The following RAB15 variants were observed in gnomAD, a reference collection of about 807,000 sequenced individuals.
RAB15 encodes the protein ras-related protein Rab-15.
A neutral mutation model predicts 31.8 loss-of-function variants in RAB15; 13 were observed. That is an observed-to-expected ratio of 0.41 (90% CI 0.27 to 0.65). RAB15 has a LOEUF of 0.65. RAB15 is among the 30% of genes least tolerant of loss of function. The probability of loss-of-function intolerance (pLI) is 0.32; values close to 1 mark genes in which losing one functional copy is unlikely to be tolerated. For synonymous variants in RAB15, 100 were observed against 105.6 expected, an observed-to-expected ratio of 0.95 and a Z score of 0.33; for missense variants, 220 against 277.3, an observed-to-expected ratio of 0.79 and a Z score of 1.47.
At position 64,948,403 on chromosome 14, in the gene RAB15, T is replaced by C; in HGVS notation, c.590A>G (p.Glu197Gly). 2 of 1,602,908 alleles carry C rather than the reference T, an allele frequency of 1.2e-6. No homozygotes were observed. Among genetic ancestry groups the C allele is most frequent in the Non-Finnish European group, 1.7e-6 (2 of 1,174,940 alleles). Residue 197 changes from glutamate to glycine, a missense_variant, in exon 7 of 7, where the codon GAG (glutamate) becomes GGG (glycine). Transcript: ENST00000533601. This position sits in a 1 kb window ranked among gnomAD's most constrained non-coding sequence, Gnocchi z 7.0. Reference sequence around the variant, plus strand: ...GTTCGCTGGGCCCTCGGGTTTGCCCTCCTCCTCCTCCAGCTCTGCCAGTGC... The same window carrying C: ...GTTCGCTGGGCCCTCGGGTTTGCCCCCCTCCTCCTCCAGCTCTGCCAGTGC... ...ELALAELEEE[E>G]GKPEGPANSS...
Position 64,971,113 on chromosome 14 carries a change from C to G in RAB15, c.124+840G>C, listed in dbSNP as rs1457434057. Among the ~76,000 whole-genome samples, 1 of 152,166 alleles carries G rather than the reference C, an allele frequency of 6.6e-6. No homozygotes were observed. Among genetic ancestry groups the G allele is most frequent in the Non-Finnish European group, 1.5e-5 (1 of 68,028 alleles). On this transcript the variant is annotated intron_variant, in intron 1 of 6. Transcript: ENST00000533601. This position sits in a 1 kb window ranked among gnomAD's most constrained non-coding sequence, Gnocchi z 4.1. ...CTACTCAGACTTCTCAGGGAGGGGG[C>G]CCCTCACAGCCTAGAAGCGGGAGAC...
chr14:64,948,819 TCA>T lies in RAB15; in HGVS notation c.415-88_415-87del. 1 of 1,153,020 alleles carries T rather than the reference TCA, an allele frequency of 8.7e-7. No homozygotes were observed. The allele number at this position is 1,153,020 out of a possible 1,614,324, so 71.4% of individuals were successfully genotyped here. A position where few individuals can be genotyped will look rare whatever the true frequency, so the allele number is the denominator to read the frequency against. On this transcript the variant is annotated intron_variant, in intron 5 of 6. Coordinates refer to ENST00000533601, the MANE Select transcript of RAB15 (RefSeq NM_001308154.2). This position sits in a 1 kb window ranked among gnomAD's most constrained non-coding sequence, Gnocchi z 7.0. ...CAGGCACAGGCTTCTGCCACTGCAC[TCA>T]CAACCATGCTGTGTTGTGACGATTT...
intron 1 of RAB15, among the ~76,000 whole-genome samples, chr14:64,959,888 G>A (rs955790659): frequency 1.3e-5 from 2 of 151,374 alleles, no homozygotes; most frequent in African/African-American, 2.4e-5. Context: ...TCCATGAGGG[G>A]GATCTCCCCC....
Position 64,953,354 on chromosome 14 carries a change from C to T in RAB15, c.125-783G>A, listed in dbSNP as rs891269578. On this transcript the variant is annotated intron_variant, in intron 1 of 6. Coordinates refer to ENST00000533601, the MANE Select transcript of RAB15 (RefSeq NM_001308154.2). This position sits in a 1 kb window ranked among gnomAD's most constrained non-coding sequence, Gnocchi z 4.6. ...TATCTCAGAGGGTTGCTGAGGAGGC[C>T]GGATGAGATACAGCACCTGGCCCAA... Among the ~76,000 whole-genome samples the T allele has an allele frequency of 3.9e-5, 6 of 152,116 alleles. No homozygotes were observed. The highest frequency in any genetic ancestry group is 7.2e-5 in the African/African-American group (3 of 41,418).
chr14:64,956,673 G>T (rs966428230), intron 1 of RAB15, among the ~76,000 whole-genome samples: 3 of 152,310 alleles, frequency 2.0e-5, no homozygotes. Context: ...TTCGGCTTTA[G>T]AATCACCTGG....
At chr14:64,967,585 C>CA (rs10706394) in intron 1 of RAB15, among the ~76,000 whole-genome samples, 11,735 of 143,388 alleles carry the variant, frequency 0.082, 906 homozygotes, top group African/African-American at 0.21. Context: ...AACCTAGTCT[C>CA]AAAAAAAAAA....
intron 1 of RAB15, among the ~76,000 whole-genome samples, chr14:64,956,555 C>T (rs1368999157): frequency 6.6e-6 from 1 of 152,164 alleles, no homozygotes; most frequent in Non-Finnish European, 1.5e-5. Context: ...GTGATTCTCA[C>T]ACATGCGTAA....
chr14:64,959,848 C>CAAAAA lies in RAB15; in HGVS notation c.125-7282_125-7278dup, dbSNP rs34981340. Among the ~76,000 whole-genome samples, 151 of 41,980 alleles carry CAAAAA rather than the reference C, an allele frequency of 3.6e-3. 6 individuals are homozygous for CAAAAA. The highest frequency in any genetic ancestry group is 9.8e-3 in the African/African-American group (98 of 10,048). 27.5% of individuals were successfully genotyped at this position (41,980 alleles called of 152,430 possible). On this transcript the variant is annotated intron_variant, in intron 1 of 6. Coordinates refer to ENST00000533601, the MANE Select transcript of RAB15 (RefSeq NM_001308154.2). ...TGAGTGACAGAGCAGGACCCTGTCT[C>CAAAAA]AAAAAAAAAAAAAAAAAAAAAAAAG... is the stretch of plus-strand genomic sequence containing the variant.
chr14:64,966,517 G>T (rs376629286), intron 1 of RAB15, among the ~76,000 whole-genome samples: 1 of 149,236 alleles, frequency 6.7e-6, no homozygotes, highest in Admixed American at 6.7e-5. Context: ...AGAGATACTC[G>T]GTCTCAAAAA....
Position 64,962,467 on chromosome 14 carries a change from T to C in RAB15, c.124+9486A>G, listed in dbSNP as rs1442832952. On this transcript the variant is annotated intron_variant, in intron 1 of 6. Coordinates refer to ENST00000533601, the MANE Select transcript of RAB15 (RefSeq NM_001308154.2). The surrounding 1 kb of genome is among the most constrained non-coding windows in gnomAD (Gnocchi z 4.2). ...GCTTAATTCTAGTGGGGAAGACAGA[T>C]GTAAGTAATGAATACCTAATTTCAG... 6.6e-6 allele frequency among the ~76,000 whole-genome samples: 1 copy of C among 152,110 alleles called. No individual in the cohort carries two copies. Among genetic ancestry groups the C allele is most frequent in the Non-Finnish European group, 1.5e-5 (1 of 68,010 alleles).
chr14:64,949,816 C>A (rs1300378733), intron 5 of RAB15, among the ~76,000 whole-genome samples: 1 of 152,056 alleles, frequency 6.6e-6, no homozygotes, highest in Non-Finnish European at 1.5e-5. Flanking sequence ...CTTGGACATT[C>A]CCTCAGCGTC....
Position 64,951,224 on chromosome 14 carries a change from G to A in RAB15, c.247-73C>T. ...AGTCATGGGGCCAGAAGGGGCCGTG[G>A]AAACTTAAAGGTTGGGTCCCACTCT... On this transcript the variant is annotated intron_variant, in intron 3 of 6. Transcript: ENST00000533601. The surrounding 1 kb of genome is among the most constrained non-coding windows in gnomAD (Gnocchi z 7.2). 2 of 1,290,604 alleles carry A rather than the reference G, an allele frequency of 1.5e-6. No individual in the cohort carries two copies. Among genetic ancestry groups the A allele is most frequent in the South Asian group, 2.5e-5 (2 of 78,940 alleles). The allele number at this position is 1,290,604 out of a possible 1,614,324, so 79.9% of individuals were successfully genotyped here. A position where few individuals can be genotyped will look rare whatever the true frequency, so the allele number is the denominator to read the frequency against.
chr14:64,951,280 T>A lies in RAB15; in HGVS notation c.247-129A>T. ...TCTCCCTGCTCAGCATCCAGAAATA[T>A]CTCTTCTCTCAGACCCCACCACTGC... On this transcript the variant is annotated intron_variant, in intron 3 of 6. Coordinates refer to ENST00000533601, the MANE Select transcript of RAB15 (RefSeq NM_001308154.2). This position sits in a 1 kb window ranked among gnomAD's most constrained non-coding sequence, Gnocchi z 7.2. The A allele has an allele frequency of 1.3e-6, 1 of 761,944 alleles. No individual in the cohort carries two copies. The highest frequency in any genetic ancestry group is 2.1e-6 in the Non-Finnish European group (1 of 466,262). 47.2% of individuals were successfully genotyped at this position (761,944 alleles called of 1,614,324 possible). A position where few individuals can be genotyped will look rare whatever the true frequency, so the allele number is the denominator to read the frequency against.
chr14:64,948,346 C>T lies in RAB15; in HGVS notation c.*8G>A, dbSNP rs561192010. 9.1e-6 allele frequency: 14 copies of T among 1,536,382 alleles called. No individual in the cohort carries two copies. The highest frequency in any genetic ancestry group is 1.2e-5 in the Non-Finnish European group (14 of 1,147,352). On this transcript the variant is annotated 3_prime_UTR_variant, in exon 7 of 7. Coordinates refer to ENST00000533601, the MANE Select transcript of RAB15 (RefSeq NM_001308154.2). This position sits in a 1 kb window ranked among gnomAD's most constrained non-coding sequence, Gnocchi z 7.0. The stretch of plus-strand genomic sequence containing the variant: ...GAGGGGTGTCGTGTGGGGTGCCCCA[C>T]ACAGGACTCAGCACCAGCAGGTTTT...
Position 64,951,721 on chromosome 14 carries a change from G to A in RAB15, c.186-58C>T, listed in dbSNP as rs1886264737. The A allele has an allele frequency of 4.8e-6, 7 of 1,469,534 alleles. No individual in the cohort carries two copies. Among genetic ancestry groups the A allele is most frequent in the Middle Eastern group, 1.7e-4 (1 of 5,800 alleles). The allele number at this position is 1,469,534 out of a possible 1,614,324, so 91.0% of individuals were successfully genotyped here. A position where few individuals can be genotyped will look rare whatever the true frequency, so the allele number is the denominator to read the frequency against. ...GGGACCATGGGAACAGACGGGGAGGGGAAGAGCAGAGCTGTCCCCTTGTAG... is the reference window on the plus strand; with the variant it reads ...GGGACCATGGGAACAGACGGGGAGGAGAAGAGCAGAGCTGTCCCCTTGTAG... On this transcript the variant is annotated intron_variant, in intron 2 of 6. Coordinates refer to ENST00000533601, the MANE Select transcript of RAB15 (RefSeq NM_001308154.2). This position sits in a 1 kb window ranked among gnomAD's most constrained non-coding sequence, Gnocchi z 7.2.
intron 1 of RAB15, among the ~76,000 whole-genome samples, chr14:64,967,312 A>T (rs1887189999): frequency 6.6e-6 from 1 of 152,194 alleles, no homozygotes; most frequent in South Asian, 2.1e-4. Flanking sequence ...CTCCTGAGGG[A>T]GTGAGGTAGC....
chr14:64,969,834 A>C (rs1194572553), intron 1 of RAB15, among the ~76,000 whole-genome samples: 1 of 152,186 alleles, frequency 6.6e-6, no homozygotes, highest in Non-Finnish European at 1.5e-5. Context: ...AAGGTGTCTA[A>C]GAAGGGAGAT....
chr14:64,959,598 T>C (rs1228003899), intron 1 of RAB15, among the ~76,000 whole-genome samples: 24 of 152,044 alleles, frequency 1.6e-4, no homozygotes, highest in Non-Finnish European at 1.5e-5. Context: ...GCACAGTGGC[T>C]CACACCTGTA....
At chr14:64,967,545 C>T (rs953169702) in intron 1 of RAB15, among the ~76,000 whole-genome samples, 5 of 151,460 alleles carry the variant, frequency 3.3e-5, no homozygotes, top group African/African-American at 9.7e-5. Context: ...ATTGTGCCAC[C>T]ACCACACTCC....
Sources: allele counts gnomAD v4.1 joint callset (sites outside exome capture counted in the v4.1 genomes callset), GRCh38; gene constraint gnomAD v4.1.1; non-coding constraint Gnocchi (gnomAD v3.1); transcripts MANE v1.5; gene names NCBI Gene and HGNC (gene_info 2026-07-23, HGNC 2026-07-21).